Variants in OTUD7A observed in about 807,000 individuals in gnomAD.
OTUD7A encodes the protein OTU domain-containing protein 7A.
OTUD7A carries 12 observed loss-of-function variants against 65.7 expected under a neutral mutation model. The observed-to-expected ratio is 0.18, with a 90% CI of 0.12 to 0.30. The LOEUF (loss-of-function observed/expected upper bound fraction) is 0.30, where lower values mean the gene tolerates loss of function less well. Among genes scored for constraint, OTUD7A ranks in the 10% least tolerant of loss-of-function variants. OTUD7A has a pLI of 1.00. For synonymous variants in OTUD7A, 641 were observed against 586.3 expected, an observed-to-expected ratio of 1.09 and a Z score of -1.35; for missense variants, 1,148 against 1,304.8, an observed-to-expected ratio of 0.88 and a Z score of 1.85.
intron 1 of OTUD7A, among the ~76,000 whole-genome samples, chr15:31,746,716 G>C (rs1202937336): frequency 6.6e-6 from 1 of 152,038 alleles, no homozygotes. Context: ...GGCTTGTCTC[G>C]AACTCCTGAC....
chr15:31,594,015 G>A (rs1006121272), intron 3 of OTUD7A, among the ~76,000 whole-genome samples: 3 of 152,130 alleles, frequency 2.0e-5, no homozygotes, highest in African/African-American at 4.8e-5. Flanking sequence ...CAGCAACACC[G>A]TTAACTTCAT....
Position 31,483,471 on chromosome 15 carries a change from G to A in OTUD7A, c.2625C>T (p.Asp875=), listed in dbSNP as rs1435957116. Residue 875 remains aspartate (D), a synonymous_variant, in exon 13 of 13, where the codon GAC becomes GAT. Coordinates refer to ENST00000307050, the MANE Select transcript of OTUD7A (RefSeq NM_001382637.1). ...LRDGLEFADA[D]APTARSNGEC... Reference sequence around the variant, plus strand: ...CACCGTTCGAGCGCGCGGTCGGCGCGTCGGCGTCGGCGAACTCCAGGCCGT... The same window carrying A: ...CACCGTTCGAGCGCGCGGTCGGCGCATCGGCGTCGGCGAACTCCAGGCCGT... 2.2e-6 allele frequency: 3 copies of A among 1,386,538 alleles called. No individual in the cohort carries two copies. In the African/African-American group the frequency reaches 4.6e-5, roughly 21 times the overall value. The allele number at this position is 1,386,538 out of a possible 1,614,324, so 85.9% of individuals were successfully genotyped here.
At chr15:31,853,088 A>G (rs12439888) in intron 1 of OTUD7A, among the ~76,000 whole-genome samples, 60,823 of 152,116 alleles carry the variant, frequency 0.4, 14,479 homozygotes, top group Non-Finnish European at 0.52. Flanking sequence ...CTCTAATACA[A>G]TAGCTTGTCT....
At chr15:31,812,102 C>T (rs1896433995) in intron 1 of OTUD7A, among the ~76,000 whole-genome samples, 2 of 152,206 alleles carry the variant, frequency 1.3e-5, no homozygotes, top group South Asian at 2.1e-4. Context: ...GGAGCATTAA[C>T]AAACAAGTGG....
At chr15:31,758,814 C>T (rs1364484163) in intron 1 of OTUD7A, among the ~76,000 whole-genome samples, 1 of 152,074 alleles carries the variant, frequency 6.6e-6, no homozygotes, top group Non-Finnish European at 1.5e-5. Flanking sequence ...CTCAACGCTG[C>T]ACCCCACCCA....
chr15:31,516,636 G>A (rs1283258495), intron 8 of OTUD7A, among the ~76,000 whole-genome samples: 1 of 152,206 alleles, frequency 6.6e-6, no homozygotes, highest in Non-Finnish European at 1.5e-5. Context: ...GACCCAAGCT[G>A]GTGGCCAGAG....
chr15:31,733,698 A>G (rs1336216034), intron 1 of OTUD7A, among the ~76,000 whole-genome samples: 2 of 152,234 alleles, frequency 1.3e-5, no homozygotes, highest in African/African-American at 4.8e-5. Flanking sequence ...AAATGAAGTC[A>G]TGGCTGGAAC....
chr15:31,580,185 A>G (rs931391733), intron 3 of OTUD7A, among the ~76,000 whole-genome samples: 5 of 152,230 alleles, frequency 3.3e-5, no homozygotes, highest in Non-Finnish European at 7.3e-5. Flanking sequence ...GGGCAAGTAC[A>G]TTCAAGGTAC....
intron 3 of OTUD7A, among the ~76,000 whole-genome samples, chr15:31,617,712 A>G (rs1363641013): frequency 2.6e-5 from 4 of 152,100 alleles, no homozygotes; most frequent in Admixed American, 2.6e-4. Context: ...GAGGGAAGGA[A>G]AGAGATTTCT....
intron 3 of OTUD7A, among the ~76,000 whole-genome samples, chr15:31,617,131 CA>C (rs1390296019): frequency 1.3e-5 from 2 of 152,150 alleles, no homozygotes; most frequent in African/African-American, 4.8e-5. Flanking sequence ...TTTAATGGAA[CA>C]GACGACAAAT....
At chr15:31,537,929 G>A (rs1483184857) in intron 5 of OTUD7A, among the ~76,000 whole-genome samples, 1 of 152,162 alleles carries the variant, frequency 6.6e-6, no homozygotes, top group East Asian at 1.9e-4. Flanking sequence ...TGTCTTGCCC[G>A]CCCCACAGCG....
intron 3 of OTUD7A, among the ~76,000 whole-genome samples, chr15:31,641,301 G>A (rs1891509786): frequency 6.6e-6 from 1 of 152,206 alleles, no homozygotes; most frequent in South Asian, 2.1e-4. Context: ...GTGGAACTGT[G>A]AGTCAACTAA....
intron 3 of OTUD7A, among the ~76,000 whole-genome samples, chr15:31,574,631 T>C (rs1385113558): frequency 1.3e-5 from 2 of 152,204 alleles, no homozygotes; most frequent in African/African-American, 4.8e-5. Context: ...AAGGCAAAAC[T>C]GTTCAATTGG....
intron 5 of OTUD7A, among the ~76,000 whole-genome samples, chr15:31,542,009 A>G (rs1043309143): frequency 6.6e-6 from 1 of 152,168 alleles, no homozygotes; most frequent in African/African-American, 2.4e-5. Context: ...GTAAGCCAAG[A>G]AATTAACCTA....
chr15:31,754,306 G>A (rs1338678228), intron 1 of OTUD7A, among the ~76,000 whole-genome samples: 1 of 152,132 alleles, frequency 6.6e-6, no homozygotes, highest in Non-Finnish European at 1.5e-5. Context: ...CACTCTGTGG[G>A]TTGTCTGTTT....
chr15:31,818,016 T>C (rs1003380412), intron 1 of OTUD7A, among the ~76,000 whole-genome samples: 3 of 152,186 alleles, frequency 2.0e-5, no homozygotes, highest in African/African-American at 4.8e-5. Flanking sequence ...TCTTCTGCCA[T>C]GTGAGGATGT....
intron 1 of OTUD7A, among the ~76,000 whole-genome samples, chr15:31,669,433 A>G (rs1892420267): frequency 6.6e-6 from 1 of 152,108 alleles, no homozygotes. Flanking sequence ...AAGTGAGGGA[A>G]AGCCGGCAGT....
Position 31,569,987 on chromosome 15 carries a change from G to T in OTUD7A, c.331+31C>A, listed in dbSNP as rs1888994766. 3 of 1,609,800 alleles carry T rather than the reference G, an allele frequency of 1.9e-6. No individual in the cohort carries two copies. In the African/African-American group the frequency reaches 4.0e-5, roughly 21 times the overall value. On this transcript the variant is annotated intron_variant, in intron 4 of 12. Coordinates refer to ENST00000307050, the MANE Select transcript of OTUD7A (RefSeq NM_001382637.1). ...AAGCTGCGGTGCACTGGCCTGGGCG[G>T]CTGTGCCTAGGCTCAGTCCCTCAGC...
intron 4 of OTUD7A, among the ~76,000 whole-genome samples, chr15:31,562,607 A>C (rs79971307): frequency 6.6e-6 from 1 of 152,004 alleles, no homozygotes; most frequent in Non-Finnish European, 1.5e-5. Context: ...AAAAAAAAAA[A>C]CAACTTCCAC....
Sources: gnomAD v4.1 joint callset for allele counts (sites outside exome capture counted in the v4.1 genomes callset) on GRCh38, gnomAD v4.1.1 for gene constraint, MANE v1.5 for transcripts, NCBI Gene and HGNC (gene_info 2026-07-23, HGNC 2026-07-21) for gene names.